ENDOD1: variants seen among roughly 807,000 people sequenced by gnomAD.
The protein encoded by ENDOD1 is endonuclease domain-containing 1 protein.
ENDOD1 carries 9 observed loss-of-function variants against 6.5 expected under a neutral mutation model. The ratio of observed to expected loss-of-function variants is 1.39; its 90% CI spans 0.84 to 2.43. The LOEUF (loss-of-function observed/expected upper bound fraction) is 2.43. Among genes scored for constraint, ENDOD1 ranks in the 30% most tolerant of loss-of-function variants. ENDOD1 has a pLI of 0.00. For missense variants in ENDOD1, 648 were observed against 635.5 expected (o/e 1.02, Z -0.21); for synonymous variants, 255 against 255.2 (o/e 1.00, Z 0.01).
chr11:95,107,298 C>T (rs1007728507), intron 1 of ENDOD1, among the ~76,000 whole-genome samples: 1 of 150,922 alleles, frequency 6.6e-6, no homozygotes, highest in Admixed American at 6.6e-5. Flanking sequence ...CGGGACACTA[C>T]CCTCCAGCCT....
chr11:95,125,410 C>T (rs1350192443), intron 1 of ENDOD1, among the ~76,000 whole-genome samples: 2 of 152,148 alleles, frequency 1.3e-5, no homozygotes, highest in East Asian at 3.9e-4. Flanking sequence ...AGAGCAGAGA[C>T]AGCAGCTTAA....
At chr11:95,118,388 T>C (rs1001728166) in intron 1 of ENDOD1, among the ~76,000 whole-genome samples, 1 of 152,150 alleles carries the variant, frequency 6.6e-6, no homozygotes, top group Non-Finnish European at 1.5e-5. Context: ...TCTGGGAAAG[T>C]GGTTATTTCT....
At chr11:95,096,235 T>TTTTTTTA (rs1555110298) in intron 1 of ENDOD1, among the ~76,000 whole-genome samples, 1 of 142,006 alleles carries the variant, frequency 7.0e-6, no homozygotes, top group Non-Finnish European at 1.5e-5. Context: ...AGCTTTTTTT[T>TTTTTTTA]TTTTTTTTTT....
intron 1 of ENDOD1, among the ~76,000 whole-genome samples, chr11:95,110,378 G>A (rs1461592177): frequency 6.6e-6 from 1 of 152,120 alleles, no homozygotes; most frequent in Non-Finnish European, 1.5e-5. Flanking sequence ...GTACTGATTA[G>A]CAGATACCTA....
At chr11:95,115,427 AG>A (rs2134170561) in intron 1 of ENDOD1, among the ~76,000 whole-genome samples, 1 of 151,776 alleles carries the variant, frequency 6.6e-6, no homozygotes, top group East Asian at 1.9e-4. Flanking sequence ...TTTTAATATA[AG>A]GTTATATCAT....
chr11:95,123,764 A>G (rs1355488813), intron 1 of ENDOD1, among the ~76,000 whole-genome samples: 1 of 152,158 alleles, frequency 6.6e-6, no homozygotes, highest in Non-Finnish European at 1.5e-5. Context: ...CTGCAAACAC[A>G]TAGAATATTG....
chr11:95,097,356 C>T (rs1161886478), intron 1 of ENDOD1, among the ~76,000 whole-genome samples: 6 of 151,974 alleles, frequency 3.9e-5, no homozygotes, highest in Admixed American at 1.3e-4. Context: ...AGGGGGAAAA[C>T]GTTCTGGGTA....
intron 1 of ENDOD1, among the ~76,000 whole-genome samples, chr11:95,110,851 G>A (rs1859142414): frequency 6.6e-6 from 1 of 152,102 alleles, no homozygotes; most frequent in African/African-American, 2.4e-5. Flanking sequence ...CTGGCCCTGT[G>A]GGATCCTCTG....
chr11:95,100,873 T>TG (rs1454564292), intron 1 of ENDOD1, among the ~76,000 whole-genome samples: 1 of 146,788 alleles, frequency 6.8e-6, no homozygotes, highest in Non-Finnish European at 1.5e-5. Flanking sequence ...GTGTTTTTTT[T>TG]TTTTTTTTTT....
In ENDOD1 at chr11:95,130,311, A is replaced by G. The variant is rs1859358416; in HGVS notation, c.*732A>G. 7.0e-6 allele frequency: 1 copy of G among 142,702 alleles called. No homozygotes were observed. Among genetic ancestry groups the G allele is most frequent in the African/African-American group, 2.5e-5 (1 of 39,312 alleles). 8.8% of individuals were successfully genotyped at this position (142,702 alleles called of 1,614,324 possible). On this transcript the variant is annotated 3_prime_UTR_variant, in exon 2 of 2. Transcript: ENST00000278505. Reference sequence around the variant, plus strand: ...CATAACAGAGTTTGAATTGAAGGGCAAAGTTTTCTTTTCTTTTTTTTTTGG... The same window carrying G: ...CATAACAGAGTTTGAATTGAAGGGCGAAGTTTTCTTTTCTTTTTTTTTTGG...
At chr11:95,120,451 A>C (rs774524913) in intron 1 of ENDOD1, among the ~76,000 whole-genome samples, 3 of 151,934 alleles carry the variant, frequency 2.0e-5, no homozygotes, top group Non-Finnish European at 4.4e-5. Flanking sequence ...TGTGACTAGA[A>C]ATGTCATCCA....
chr11:95,105,927 G>T (rs1345261665), intron 1 of ENDOD1, among the ~76,000 whole-genome samples: 1 of 152,174 alleles, frequency 6.6e-6, no homozygotes, highest in Non-Finnish European at 1.5e-5. Context: ...ACCATCCTAG[G>T]CCTGTGGGGT....
At chr11:95,096,695 A>G (rs1242562840) in intron 1 of ENDOD1, among the ~76,000 whole-genome samples, 3 of 152,196 alleles carry the variant, frequency 2.0e-5, no homozygotes, top group African/African-American at 7.2e-5. Flanking sequence ...CTAATGCTTT[A>G]AGAAAGCCCT....
chr11:95,114,309 A>G (rs1047665141), intron 1 of ENDOD1, among the ~76,000 whole-genome samples: 22 of 147,640 alleles, frequency 1.5e-4, no homozygotes, highest in African/African-American at 5.6e-4. Context: ...GGGTTTCACT[A>G]TGTCGCCCAG....
At chr11:95,125,369 G>A (rs77307516) in intron 1 of ENDOD1, among the ~76,000 whole-genome samples, 13,438 of 152,204 alleles carry the variant, frequency 0.088, 658 homozygotes, top group Middle Eastern at 0.18. Context: ...TGAGGCTGAT[G>A]TTTCCTTGGG....
At chr11:95,112,145 GATC>G (rs1859157283) in intron 1 of ENDOD1, among the ~76,000 whole-genome samples, 1 of 152,156 alleles carries the variant, frequency 6.6e-6, no homozygotes, top group African/African-American at 2.4e-5. Context: ...ACACACTGTT[GATC>G]ATCCCCTAGC....
intron 1 of ENDOD1, among the ~76,000 whole-genome samples, chr11:95,096,074 T>C (rs941613645): frequency 3.9e-5 from 6 of 152,172 alleles, no homozygotes; most frequent in African/African-American, 1.2e-4. Context: ...CCTTAGGGAA[T>C]TGAGATTTTA....
At chr11:95,098,675 G>A (rs1859009577) in intron 1 of ENDOD1, among the ~76,000 whole-genome samples, 1 of 151,904 alleles carries the variant, frequency 6.6e-6, no homozygotes, top group African/African-American at 2.4e-5. Flanking sequence ...CTTATCATAT[G>A]GCAGGAGGCA....
At chr11:95,108,580 G>T (rs1330872580) in intron 1 of ENDOD1, among the ~76,000 whole-genome samples, 1 of 151,826 alleles carries the variant, frequency 6.6e-6, no homozygotes, top group Non-Finnish European at 1.5e-5. Context: ...TTCTTCTAAA[G>T]CGGTTTCTAT....
Sources: gnomAD v4.1 joint callset for allele counts (sites outside exome capture counted in the v4.1 genomes callset) on GRCh38, gnomAD v4.1.1 for gene constraint, MANE v1.5 for transcripts, NCBI Gene and HGNC (gene_info 2026-07-23, HGNC 2026-07-21) for gene names.